Variants in SHANK1 observed in about 807,000 individuals in gnomAD.
The protein encoded by SHANK1 is SH3 and multiple ankyrin repeat domains protein 1.
SHANK1 carries 35 observed loss-of-function variants against 165.6 expected under a neutral mutation model. The observed-to-expected ratio is 0.21, with a 90% confidence interval of 0.16 to 0.28. SHANK1 has a LOEUF of 0.28. Ranked by LOEUF, SHANK1 falls within the 10% of genes least tolerant of loss-of-function variation. The pLI, the probability that SHANK1 is intolerant of heterozygous loss-of-function variation, is 1.00. For missense variants in SHANK1, 2,681 were observed against 3,036.4 expected, an observed-to-expected ratio of 0.88 and a Z score of 2.75; for synonymous variants, 1,428 against 1,384.8, an observed-to-expected ratio of 1.03 and a Z score of -0.69.
Position 50,689,230 on chromosome 19 carries a change from C to T in SHANK1, c.2014G>A (p.Glu672Lys). The change falls in exon 16 of 24, where the codon GAG (glutamate) becomes AAG (lysine). Residue 672 changes from glutamate (E) to lysine (K), a missense_variant. Glu to Lys is a moderately conservative substitution (Grantham distance 56, BLOSUM62 1). Transcript: ENST00000293441. ...CCCCGGAGCACGAACCCAAACCCCT[C>T]ACTGTCCTTCTTCTGCAGCAAGACT... ...KTVLLQKKDS[E>K]GFGFVLRGAK... The T allele has an allele frequency of 1.2e-6, 2 of 1,612,738 alleles. No individual in the cohort carries two copies. Among genetic ancestry groups the T allele is most frequent in the Non-Finnish European group, 1.7e-6 (2 of 1,179,246 alleles).
intron 7 of SHANK1, 85 bp downstream of exon 7, chr19:50,711,862 G>T (rs2089014389): frequency 2.1e-6 from 3 of 1,461,730 alleles, no homozygotes; most frequent in Non-Finnish European, 2.9e-6. Flanking sequence ...GAGGACCCTG[G>T]CATCTGGTTC....
At chr19:50,712,247 G>A (rs192769258) in intron 6 of SHANK1, 133 bp from the exon 7 acceptor site, 20 of 899,056 alleles carry the variant, frequency 2.2e-5, no homozygotes, top group South Asian at 7.1e-5. Context: ...CAGTTCTGCC[G>A]TGATGCCCTT....
intron 9 of SHANK1, 84 bp downstream of exon 9, chr19:50,704,353 T>C: frequency 1.4e-6 from 2 of 1,393,840 alleles, no homozygotes; most frequent in Non-Finnish European, 2.0e-6. Flanking sequence ...GCTTTCCTCA[T>C]TGTCCCCTTC....
Position 50,716,455 on chromosome 19 carries a change from A to G in SHANK1, c.279T>C (p.Asp93=), listed in dbSNP as rs2089070699. 1 of 1,614,026 alleles carries G rather than the reference A, an allele frequency of 6.2e-7. No homozygotes were observed. Among genetic ancestry groups the G allele is most frequent in the African/African-American group, 1.3e-5 (1 of 74,936 alleles). The change falls in exon 3 of 24, where the codon GAT becomes GAC. Residue 93 remains aspartate, a synonymous_variant. Coordinates refer to ENST00000293441, the MANE Select transcript of SHANK1 (RefSeq NM_016148.5). The surrounding 1 kb of genome is among the most constrained non-coding windows in gnomAD (Gnocchi z 8.4). Reference sequence around the variant, plus strand: ...GCTGCTTGGCCGTCCAGATGGTGGCATCGGGGTTGAAGCGAAGGCATTTCT... The same window carrying G: ...GCTGCTTGGCCGTCCAGATGGTGGCGTCGGGGTTGAAGCGAAGGCATTTCT... The part of the protein sequence containing the change: ...HQTKCLRFNP[D]ATIWTAKQQV...
rs142403568 is a variant in SHANK1 at position 50,664,181 on chromosome 19, C to G, written c.5769-1499G>C. ...TTAAGTTGCCCCAAATATACACTCC[C>G]TGAACCCACATTTGAAGGTCAGACA... is the stretch of plus-strand genomic sequence containing the variant. On this transcript the variant is annotated intron_variant, in intron 23 of 23. Coordinates refer to ENST00000293441, the MANE Select transcript of SHANK1 (RefSeq NM_016148.5). Among the ~76,000 whole-genome samples the G allele has an allele frequency of 1.0e-3, 155 of 151,096 alleles. 1 individual carries two copies. The highest frequency in any genetic ancestry group is 2.0e-3 in the Non-Finnish European group (133 of 67,876).
chr19:50,670,592 C>T lies in SHANK1; in HGVS notation c.2675-1307G>A, dbSNP rs1037350415. 1.3e-5 allele frequency among the ~76,000 whole-genome samples: 2 copies of T among 152,276 alleles called. No homozygotes were observed. The highest frequency in any genetic ancestry group is 4.8e-5 in the African/African-American group (2 of 41,558). On this transcript the variant is annotated intron_variant, in intron 22 of 23. Transcript: ENST00000293441. The surrounding 1 kb of genome is among the most constrained non-coding windows in gnomAD (Gnocchi z 4.1). ...AAGTCCTCACCATGACTCCCCAGAC[C>T]CTGCAGGATCGGGACCCTGTCCCCC...
intron 10 of SHANK1, 22 bp from the exon 11 acceptor site, chr19:50,703,852 G>T: frequency 1.6e-6 from 2 of 1,221,646 alleles, no homozygotes; most frequent in Non-Finnish European, 1.1e-6. Flanking sequence ...CAGTGGCGGC[G>T]GGGGGCAGAT....
rs866904838 is a variant in SHANK1, at chr19:50,690,645, G to A, written c.1965-1366C>T. On this transcript the variant is annotated intron_variant, in intron 15 of 23. Transcript: ENST00000293441. This position sits in a 1 kb window ranked among gnomAD's most constrained non-coding sequence, Gnocchi z 4.9. ...GTGGCCCTAATACACTCCAATCATA[G>A]CCAAGCATGCTCCCCAATTACCTGC... Among the ~76,000 whole-genome samples the A allele has an allele frequency of 6.6e-6, 1 of 151,978 alleles. No individual in the cohort carries two copies. The highest frequency in any genetic ancestry group is 1.5e-5 in the Non-Finnish European group (1 of 68,000).
chr19:50,666,919 G>T lies in SHANK1; in HGVS notation c.5041C>A (p.Arg1681=), dbSNP rs747809131. The T allele has an allele frequency of 6.2e-7, 1 of 1,602,360 alleles. No individual in the cohort carries two copies. Among genetic ancestry groups the T allele is most frequent in the African/African-American group, 1.3e-5 (1 of 74,958 alleles). ...TDSGIEEVDS[R]SSSDHPLETI... The stretch of plus-strand genomic sequence containing the variant: ...TCCAGTGGGTGGTCACTGCTGCTCC[G>T]ACTGTCCACCTCCTCGATGCCAGAA... The change falls in exon 23 of 24, where the codon CGG becomes AGG. Residue 1681 remains arginine (R), a synonymous_variant. Transcript: ENST00000293441.
In SHANK1 at chr19:50,668,741, GC is replaced by G. The variant is rs1304527783; in HGVS notation, c.3218del (p.Gly1073AlafsTer270). The stretch of plus-strand genomic sequence containing the variant: ...GAGCCGGGCCCTGGGAGGAGCCGCC[GC>G]CCCCGCCCGCGCTGCCGTGGTGCGA... ...SPSHHGSAGGGGGSSQGPALR... is the reference protein window; with the variant it reads ...SPSHHGSAGGXGGSSQGPALR... On this transcript the variant is annotated frameshift_variant, in exon 23 of 24. Transcript: ENST00000293441. LOFTEE classifies it high-confidence loss of function. The G allele has an allele frequency of 1.6e-6, 2 of 1,274,768 alleles. No individual in the cohort carries two copies. Among genetic ancestry groups the G allele is most frequent in the Non-Finnish European group, 9.8e-7 (1 of 1,016,942 alleles). 79.0% of individuals were successfully genotyped at this position (1,274,768 alleles called of 1,614,324 possible). A position where few individuals can be genotyped will look rare whatever the true frequency, so the allele number is the denominator to read the frequency against.
At position 50,713,671 on chromosome 19, in the gene SHANK1, G is replaced by A. The variant is rs1220127031; in HGVS notation, c.792+127C>T. 5 of 1,240,904 alleles carry A rather than the reference G, an allele frequency of 4.0e-6. No individual in the cohort carries two copies. Among genetic ancestry groups the A allele is most frequent in the African/African-American group, 1.5e-5 (1 of 67,000 alleles). The allele number at this position is 1,240,904 out of a possible 1,614,324, so 76.9% of individuals were successfully genotyped here. On this transcript the variant is annotated intron_variant, in intron 6 of 23. Transcript: ENST00000293441. This position sits in a 1 kb window ranked among gnomAD's most constrained non-coding sequence, Gnocchi z 6.2. ...GGGCTGTGTCTCAGTCTATGGAAAGGGGCTTTGAACTGGGGACATGAGAGG... is the reference window on the plus strand; with the variant it reads ...GGGCTGTGTCTCAGTCTATGGAAAGAGGCTTTGAACTGGGGACATGAGAGG...
At chr19:50,704,034 A>T (rs2123178194) in intron 10 of SHANK1, 86 bp downstream of exon 10, 2 of 1,388,930 alleles carry the variant, frequency 1.4e-6, no homozygotes, top group East Asian at 4.6e-5. Context: ...CCTGGCCCCC[A>T]AGTCAGGTCC....
intron 15 of SHANK1, among the ~76,000 whole-genome samples, chr19:50,692,607 C>T (rs1986576062): frequency 6.6e-6 from 1 of 151,590 alleles, no homozygotes; most frequent in Non-Finnish European, 1.5e-5. Context: ...TCCATGACTC[C>T]CTCACCCAAT....
chr19:50,672,606 C>A (rs1330921258), intron 21 of SHANK1, among the ~76,000 whole-genome samples: 2 of 146,542 alleles, frequency 1.4e-5, no homozygotes, highest in Non-Finnish European at 3.0e-5. Flanking sequence ...GGGAATTCTG[C>A]GGGAATGAAA....
chr19:50,706,656 G>T (rs2088941775), intron 8 of SHANK1, among the ~76,000 whole-genome samples: 1 of 151,792 alleles, frequency 6.6e-6, no homozygotes, highest in African/African-American at 2.4e-5. Context: ...AGCATAGCTT[G>T]CTTCCTCACT....
Position 50,686,823 on chromosome 19 carries a change from A to C in SHANK1, c.2390-11T>G, listed in dbSNP as rs1353930784. 6.2e-7 allele frequency: 1 copy of C among 1,613,456 alleles called. No homozygotes were observed. Among genetic ancestry groups the C allele is most frequent in the South Asian group, 1.1e-5 (1 of 91,072 alleles). The stretch of plus-strand genomic sequence containing the variant: ...GCTGCTGCTCGTACTCTGTGGGCAA[A>C]GAACACGGATGACGCCCAGGGAGCC... On this transcript the variant is annotated splice_polypyrimidine_tract_variant and intron_variant, in intron 19 of 23. Transcript: ENST00000293441. The surrounding 1 kb of genome is among the most constrained non-coding windows in gnomAD (Gnocchi z 5.7).
chr19:50,714,320 GGACA>G, intron 4 of SHANK1, 30 bp from the exon 5 acceptor site: 1 of 1,596,314 alleles, frequency 6.3e-7, no homozygotes, highest in Non-Finnish European at 8.6e-7. Context: ...AGAGAAGACA[GGACA>G]GTCAGGAGCA....
intron 19 of SHANK1, 31 bp downstream of exon 19, chr19:50,687,551 C>T (rs1986393017): frequency 6.6e-7 from 1 of 1,521,646 alleles, no homozygotes; most frequent in South Asian, 1.2e-5. Flanking sequence ...CTCCCCCCGG[C>T]CCCCTGGCCT....
chr19:50,676,511 G>C (rs1985990883), intron 21 of SHANK1, among the ~76,000 whole-genome samples: 1 of 152,098 alleles, frequency 6.6e-6, no homozygotes, highest in Non-Finnish European at 1.5e-5. Context: ...TGAAGGGTAG[G>C]AGTTGAGGTT....
Sources: allele counts gnomAD v4.1 joint callset (sites outside exome capture counted in the v4.1 genomes callset), GRCh38; gene constraint gnomAD v4.1.1; non-coding constraint Gnocchi (gnomAD v3.1); transcripts MANE v1.5; gene names NCBI Gene and HGNC (gene_info 2026-07-23, HGNC 2026-07-21).